Variants in FAM184A observed in about 807,000 individuals in gnomAD.
FAM184A encodes family with sequence similarity 184 member A.
In FAM184A, 99 loss-of-function variants were observed where a neutral mutation model predicts 143.8. The observed-to-expected ratio is 0.69, with a 90% CI of 0.58 to 0.81. The LOEUF (loss-of-function observed/expected upper bound fraction) is 0.81, where lower values mean the gene tolerates loss of function less well. Ranked by LOEUF, FAM184A falls within the 40% of genes least tolerant of loss-of-function variation. The pLI is 0.00. For synonymous variants in FAM184A, 427 were observed against 446.4 expected (o/e 0.96, Z 0.55); for missense variants, 1,217 against 1,310.5 (o/e 0.93, Z 1.10).
At chr6:118,989,300 A>G (rs1784290543) in intron 9 of FAM184A, among the ~76,000 whole-genome samples, 2 of 152,008 alleles carry the variant, frequency 1.3e-5, no homozygotes, top group South Asian at 2.1e-4. Context: ...GGAAAAACCT[A>G]CATACCCCTC....
At chr6:119,013,005 A>G (rs1344491320) in intron 5 of FAM184A, among the ~76,000 whole-genome samples, 1 of 152,176 alleles carries the variant, frequency 6.6e-6, no homozygotes, top group East Asian at 1.9e-4. Context: ...CTGACACTAG[A>G]GGAAGACTAT....
chr6:119,043,086 T>A (rs1254563711), intron 1 of FAM184A, among the ~76,000 whole-genome samples: 2 of 151,340 alleles, frequency 1.3e-5, no homozygotes, highest in African/African-American at 4.9e-5. Flanking sequence ...TAAAAATAAA[T>A]CTGATGGGGT....
intron 1 of FAM184A, among the ~76,000 whole-genome samples, chr6:119,062,564 TG>T (rs778380126): frequency 4.2e-4 from 63 of 151,800 alleles, no homozygotes; most frequent in Non-Finnish European, 8.1e-4. Flanking sequence ...GAGGCTGAGG[TG>T]GGAGGATCAC....
At chr6:118,964,825 A>C (rs1474173185) in intron 15 of FAM184A, 54 bp from the exon 16 acceptor site, 1 of 953,892 alleles carries the variant, frequency 1.0e-6, no homozygotes, top group Non-Finnish European at 1.6e-6. Context: ...AATATTTTAA[A>C]AACATAAATG....
intron 1 of FAM184A, among the ~76,000 whole-genome samples, chr6:119,122,924 GAAAAAAAAAAAAAAAAAAAAAAAAAA>G (rs766414096): frequency 6.9e-5 from 2 of 29,028 alleles, no homozygotes; most frequent in African/African-American, 2.6e-4. Context: ...GACCCTGTCT[GAAAAAAAAAAAAAAAAAAAAAAAAAA>G]AAAAAAAAAA....
chr6:119,132,784 A>G (rs1407430505), intron 1 of FAM184A, among the ~76,000 whole-genome samples: 1 of 152,242 alleles, frequency 6.6e-6, no homozygotes, highest in Admixed American at 6.5e-5. Context: ...GTGAGGTGAA[A>G]TCTACTTATT....
chr6:118,994,452 T>C (rs1384305860), intron 9 of FAM184A, among the ~76,000 whole-genome samples: 1 of 151,658 alleles, frequency 6.6e-6, no homozygotes, highest in African/African-American at 2.4e-5. Context: ...TTTGGGAGGC[T>C]GGGGCAGGTG....
intron 1 of FAM184A, among the ~76,000 whole-genome samples, chr6:119,042,625 G>C (rs1032940718): frequency 7.9e-5 from 12 of 152,128 alleles, no homozygotes; most frequent in African/African-American, 2.9e-4. Flanking sequence ...TAGGGCAGTG[G>C]AACTATTCTA....
At chr6:119,001,735 G>GA (rs1028290584) in intron 9 of FAM184A, among the ~76,000 whole-genome samples, 10 of 152,198 alleles carry the variant, frequency 6.6e-5, no homozygotes, top group Middle Eastern at 3.4e-3. Context: ...CTTTCTGGTT[G>GA]AAAAAATATA....
chr6:119,115,358 G>A (rs1789028932), intron 1 of FAM184A, among the ~76,000 whole-genome samples: 1 of 152,134 alleles, frequency 6.6e-6, no homozygotes, highest in Admixed American at 6.6e-5. Flanking sequence ...CCCTGCAGAA[G>A]TAGGATAGAC....
In FAM184A at chr6:119,078,080, A is replaced by G. The variant is rs2114801305; in HGVS notation, c.159+61T>C. ...GCAGGGCGCACTGCCTCCCGGGGAG[A>G]CAGGTGAGTCCGGCGCGGCCCGCAC... On this transcript the variant is annotated intron_variant, in intron 1 of 17. Coordinates refer to ENST00000338891, the MANE Select transcript of FAM184A (RefSeq NM_024581.6). The surrounding 1 kb of genome is among the most constrained non-coding windows in gnomAD (Gnocchi z 5.5). 6.6e-7 allele frequency: 1 copy of G among 1,523,790 alleles called. No individual in the cohort carries two copies. 94.4% of individuals were successfully genotyped at this position (1,523,790 alleles called of 1,614,324 possible).
intron 16 of FAM184A, chr6:118,962,653 G>T (rs991066667): frequency 1.3e-5 from 2 of 151,826 alleles, no homozygotes; most frequent in African/African-American, 2.4e-5. Context: ...AACTTTAAAG[G>T]TTACAAAACA....
intron 1 of FAM184A, among the ~76,000 whole-genome samples, chr6:119,140,094 G>A (rs1159869113): frequency 2.0e-5 from 3 of 152,266 alleles, no homozygotes; most frequent in South Asian, 4.1e-4. Context: ...TCTGTAAAAC[G>A]GATTAGTAAA....
chr6:119,089,534 C>G (rs1788317103), intron 1 of FAM184A, among the ~76,000 whole-genome samples: 1 of 152,122 alleles, frequency 6.6e-6, no homozygotes, highest in Non-Finnish European at 1.5e-5. Flanking sequence ...AACTCCTGGT[C>G]TCGAGTAATC....
chr6:119,007,804 G>A (rs907734767), intron 6 of FAM184A, among the ~76,000 whole-genome samples: 1 of 152,082 alleles, frequency 6.6e-6, no homozygotes, highest in African/African-American at 2.4e-5. Flanking sequence ...AGCCGGGTGT[G>A]GTGGCGCGCG....
At chr6:119,012,524 A>C (rs764582114) in intron 5 of FAM184A, among the ~76,000 whole-genome samples, 1 of 152,212 alleles carries the variant, frequency 6.6e-6, no homozygotes, top group Non-Finnish European at 1.5e-5. Context: ...GTCCTTATAC[A>C]AGACAGGCTG....
At chr6:119,069,485 A>C (rs183631139) in intron 1 of FAM184A, among the ~76,000 whole-genome samples, 1 of 152,372 alleles carries the variant, frequency 6.6e-6, no homozygotes, top group East Asian at 1.9e-4. Flanking sequence ...CACATTCGCC[A>C]GAATAAACAA....
chr6:119,119,526 C>G (rs1789154533), intron 1 of FAM184A, among the ~76,000 whole-genome samples: 1 of 152,074 alleles, frequency 6.6e-6, no homozygotes, highest in Non-Finnish European at 1.5e-5. Context: ...GGGGCAGGTT[C>G]CCCTGATAAT....
chr6:119,033,864 C>T (rs113859293), intron 1 of FAM184A, among the ~76,000 whole-genome samples: 2,164 of 144,256 alleles, frequency 0.015, 55 homozygotes, highest in African/African-American at 0.052. Context: ...TGGTGGCACG[C>T]GTCTGTAATC....
Sources: allele counts gnomAD v4.1 joint callset (sites outside exome capture counted in the v4.1 genomes callset), GRCh38; gene constraint gnomAD v4.1.1; non-coding constraint Gnocchi (gnomAD v3.1); transcripts MANE v1.5; gene names NCBI Gene and HGNC (gene_info 2026-07-23, HGNC 2026-07-21).